Variants in PDLIM5 observed in about 807,000 individuals in gnomAD.
The protein encoded by PDLIM5 is PDZ and LIM domain protein 5.
Under a neutral mutation model 64.2 loss-of-function variants are expected in PDLIM5, and 34 were observed. That is an observed-to-expected ratio of 0.53 (90% CI 0.40 to 0.71). The LOEUF is 0.71. Among genes scored for constraint, PDLIM5 ranks in the 30% least tolerant of loss-of-function variants. The pLI is 0.00. For synonymous variants in PDLIM5, 253 were observed against 269.1 expected (o/e 0.94, Z 0.59); for missense variants, 683 against 733.6 (o/e 0.93, Z 0.80).
At chr4:94,590,947 C>A (rs1283826148) in intron 7 of PDLIM5, among the ~76,000 whole-genome samples, 1 of 151,948 alleles carries the variant, frequency 6.6e-6, no homozygotes, top group Non-Finnish European at 1.5e-5. Context: ...TTGGTACCAG[C>A]CCTGATTATT....
At chr4:94,603,673 G>A (rs775167086) in intron 7 of PDLIM5, among the ~76,000 whole-genome samples, 18 of 152,144 alleles carry the variant, frequency 1.2e-4, no homozygotes, top group Non-Finnish European at 2.1e-4. Flanking sequence ...GCTCTTTGCC[G>A]TGTATGTGTG....
intron 3 of PDLIM5, among the ~76,000 whole-genome samples, chr4:94,528,583 A>T: frequency 6.6e-6 from 1 of 152,208 alleles, no homozygotes; most frequent in Admixed American, 6.5e-5. Flanking sequence ...ATTATTTCCC[A>T]AAGTAGGAAT....
At chr4:94,478,092 C>G (rs528647390) in intron 2 of PDLIM5, among the ~76,000 whole-genome samples, 44 of 151,954 alleles carry the variant, frequency 2.9e-4, no homozygotes, top group Admixed American at 2.6e-3. Context: ...CCCGTCTCTA[C>G]TAAAAATACA....
intron 5 of PDLIM5, 38 bp from the exon 6 acceptor site, chr4:94,585,527 T>G (rs1451370183): frequency 7.5e-7 from 1 of 1,333,510 alleles, no homozygotes; most frequent in African/African-American, 1.5e-5. Context: ...TTAATATAAC[T>G]TTACAATTTT....
Position 94,666,202 on chromosome 4 carries a change from C to T in PDLIM5, c.*2135C>T. ...TTTTAGGCTACAATATTTGTTTAACCTCCCTAAGAACTTTCAAGGCATCTG... is the reference window on the plus strand; with the variant it reads ...TTTTAGGCTACAATATTTGTTTAACTTCCCTAAGAACTTTCAAGGCATCTG... On this transcript the variant is annotated 3_prime_UTR_variant, in exon 13 of 13. Coordinates refer to ENST00000317968, the MANE Select transcript of PDLIM5 (RefSeq NM_006457.5). 1.8e-6 allele frequency: 1 copy of T among 542,162 alleles called. No individual in the cohort carries two copies. The highest frequency in any genetic ancestry group is 3.1e-5 in the East Asian group (1 of 32,730). 33.6% of individuals were successfully genotyped at this position (542,162 alleles called of 1,614,324 possible).
chr4:94,660,417 A>C (rs1742599208), intron 11 of PDLIM5, among the ~76,000 whole-genome samples: 2 of 151,880 alleles, frequency 1.3e-5, no homozygotes, highest in East Asian at 3.9e-4. Flanking sequence ...TGCAACTATT[A>C]CCTCTTCAGA....
chr4:94,512,242 A>G (rs1728948714), intron 2 of PDLIM5, among the ~76,000 whole-genome samples: 1 of 151,946 alleles, frequency 6.6e-6, no homozygotes, highest in Non-Finnish European at 1.5e-5. Context: ...GATGGTCTCA[A>G]TCTCCTGACC....
chr4:94,658,639 T>C (rs2110498696), intron 11 of PDLIM5, among the ~76,000 whole-genome samples: 1 of 152,364 alleles, frequency 6.6e-6, no homozygotes, highest in African/African-American at 2.4e-5. Flanking sequence ...AGCTTCTAAG[T>C]TGAAGCTGTG....
In PDLIM5 at chr4:94,499,929, G is replaced by A. The variant is rs559288748; in HGVS notation, c.97-23795G>A. ...GGTAGAACAGTTTCATCCTGAAACT[G>A]TAACCCATCCTCCCCTCCCCCTGAC... On this transcript the variant is annotated intron_variant, in intron 2 of 12. Transcript: ENST00000317968. Among the ~76,000 whole-genome samples, 4 of 152,260 alleles carry A rather than the reference G, an allele frequency of 2.6e-5. No homozygotes were observed. In the South Asian group the frequency reaches 8.3e-4, roughly 32 times the overall value.
At chr4:94,556,535 G>A (rs1578368733) in intron 3 of PDLIM5, among the ~76,000 whole-genome samples, 1 of 152,312 alleles carries the variant, frequency 6.6e-6, no homozygotes, top group South Asian at 2.1e-4. Flanking sequence ...GTGTAAAAGT[G>A]TTCCTGTTTC....
At position 94,666,071 on chromosome 4, in the gene PDLIM5, T is replaced by C. The variant is rs749952382; in HGVS notation, c.*2004T>C. On this transcript the variant is annotated 3_prime_UTR_variant, in exon 13 of 13. Coordinates refer to ENST00000317968, the MANE Select transcript of PDLIM5 (RefSeq NM_006457.5). ...CTCCTAAGTTATAATTTAAATTTGT[T>C]TGGGGCAAGGTGATTTTATAGTCGA... 6 of 1,514,686 alleles carry C rather than the reference T, an allele frequency of 4.0e-6. No homozygotes were observed. The highest frequency in any genetic ancestry group is 5.3e-6 in the Non-Finnish European group (6 of 1,129,374). 93.8% of individuals were successfully genotyped at this position (1,514,686 alleles called of 1,614,324 possible).
intron 2 of PDLIM5, among the ~76,000 whole-genome samples, chr4:94,520,140 C>T (rs539480860): frequency 2.0e-5 from 3 of 152,156 alleles, no homozygotes; most frequent in Non-Finnish European, 2.9e-5. Context: ...CATGTACAGC[C>T]ATGTGTGCTT....
intron 3 of PDLIM5, among the ~76,000 whole-genome samples, chr4:94,555,885 AT>A (rs1476849541): frequency 6.6e-6 from 1 of 151,156 alleles, no homozygotes; most frequent in East Asian, 1.9e-4. Context: ...AAGTTTATTT[AT>A]TTATTTTTAT....
chr4:94,634,236 G>A (rs1034024392), intron 8 of PDLIM5, among the ~76,000 whole-genome samples: 4 of 152,164 alleles, frequency 2.6e-5, no homozygotes, highest in African/African-American at 7.2e-5. Context: ...GAAGCAAGGA[G>A]ATCTACAGGC....
At chr4:94,488,995 A>G (rs1726604126) in intron 2 of PDLIM5, 1 of 152,250 alleles carries the variant, frequency 6.6e-6, no homozygotes, top group Non-Finnish European at 1.5e-5. Context: ...GTAATTTTGC[A>G]GGAAGAATTA....
intron 2 of PDLIM5, among the ~76,000 whole-genome samples, chr4:94,500,375 A>C (rs1251076918): frequency 6.6e-6 from 1 of 152,190 alleles, no homozygotes; most frequent in Admixed American, 6.5e-5. Flanking sequence ...TTTTCAGCCA[A>C]AGGGATATTC....
chr4:94,460,446 G>A lies in PDLIM5; in HGVS notation c.96+5062G>A, dbSNP rs143564693. The stretch of plus-strand genomic sequence containing the variant: ...TTTGTATCTGATGGAGGAAACCGAT[G>A]TAGGGTTTGGATAAAATAAGACTAG... On this transcript the variant is annotated intron_variant, in intron 2 of 12. Transcript: ENST00000317968. Among the ~76,000 whole-genome samples the A allele has an allele frequency of 1.9e-3, 282 of 152,220 alleles. 1 individual carries two copies. The highest frequency in any genetic ancestry group is 2.7e-3 in the Non-Finnish European group (185 of 67,990).
At chr4:94,568,938 G>C (rs1409809135) in intron 3 of PDLIM5, among the ~76,000 whole-genome samples, 1 of 152,230 alleles carries the variant, frequency 6.6e-6, no homozygotes, top group African/African-American at 2.4e-5. Context: ...AATATCACCA[G>C]ATGATGAAGT....
At chr4:94,638,967 A>C (rs1740787955) in intron 8 of PDLIM5, among the ~76,000 whole-genome samples, 1 of 152,366 alleles carries the variant, frequency 6.6e-6, no homozygotes, top group South Asian at 2.1e-4. Flanking sequence ...GTAACACATT[A>C]ACAGAAAATT....
Sources: allele counts gnomAD v4.1 joint callset (sites outside exome capture counted in the v4.1 genomes callset), GRCh38; gene constraint gnomAD v4.1.1; transcripts MANE v1.5; gene names NCBI Gene and HGNC (gene_info 2026-07-23, HGNC 2026-07-21).